The following MID1 variants were observed in gnomAD, a reference collection of about 807,000 sequenced individuals.
The protein encoded by MID1 is midline 1.
In MID1, 7 loss-of-function variants were observed where a neutral mutation model predicts 40.4. The ratio of observed to expected loss-of-function variants is 0.17; its 90% CI spans 0.10 to 0.33. The LOEUF (loss-of-function observed/expected upper bound fraction) is 0.33. MID1 is among the 10% of genes least tolerant of loss of function. The pLI, the probability that MID1 is intolerant of heterozygous loss-of-function variation, is 1.00. For missense variants in MID1, 367 were observed against 558.5 expected (o/e 0.66, Z 3.46); for synonymous variants, 229 against 221.2 (o/e 1.04, Z -0.31).
In MID1 at chrX:10,481,448, A is replaced by AT. The variant is rs763498464; in HGVS notation, c.1013+1031dup. Among the ~76,000 whole-genome samples the AT allele has an allele frequency of 3.1e-3, 346 of 111,017 alleles. 2 individuals are homozygous for AT. The highest frequency in any genetic ancestry group is 0.011 in the African/African-American group (324 of 30,593). Reference sequence around the variant, plus strand: ...CTTCTCTTTGTTTTTTCATTTATTTATTTTTTTTGGAGAAAGAGTCTCGCT... The same window carrying AT: ...CTTCTCTTTGTTTTTTCATTTATTTATTTTTTTTTGGAGAAAGAGTCTCGCT... On this transcript the variant is annotated intron_variant, in intron 5 of 9. Transcript: ENST00000317552.
At position 10,549,105 on chromosome X, in the gene MID1, A is replaced by C. The variant is rs5979320; in HGVS notation, c.660+17783T>G. On this transcript the variant is annotated intron_variant, in intron 2 of 9. Transcript: ENST00000317552. ...ATATTATTGTCTGGGTTATTACTTT[A>C]GTAAAACACATATACTGTGATTATT... is the stretch of plus-strand genomic sequence containing the variant. Among the ~76,000 whole-genome samples, 758 of 112,212 alleles carry C rather than the reference A, an allele frequency of 6.8e-3. 8 individuals are homozygous for C. The highest frequency in any genetic ancestry group is 0.023 in the African/African-American group (717 of 30,907).
intron 1 of MID1, among the ~76,000 whole-genome samples, chrX:10,807,233 A>C (rs1391152365): frequency 9.0e-6 from 1 of 110,630 alleles, no homozygotes; most frequent in Non-Finnish European, 1.9e-5. Context: ...TGACAGAGCA[A>C]GGCTCTGTTT....
At chrX:10,802,421 T>C (rs757663576) in intron 1 of MID1, among the ~76,000 whole-genome samples, 2 of 110,502 alleles carry the variant, frequency 1.8e-5, no homozygotes, top group East Asian at 5.7e-4. Context: ...CCAACAAACG[T>C]GAAAAAAATG....
chrX:10,691,854 T>C (rs1485811282), intron 1 of MID1, among the ~76,000 whole-genome samples: 1 of 111,612 alleles, frequency 9.0e-6, no homozygotes, highest in African/African-American at 3.3e-5. Flanking sequence ...CAGCAAGGAA[T>C]GTTAATAATT....
At chrX:10,823,336 A>ATG (rs1569179337) in intron 1 of MID1, among the ~76,000 whole-genome samples, 1,112 of 110,553 alleles carry the variant, frequency 0.01, 10 homozygotes, top group African/African-American at 0.034. Flanking sequence ...AGGTGGGGGG[A>ATG]TGGAGAGCAT....
At chrX:10,765,474 C>T (rs939208157) in intron 1 of MID1, among the ~76,000 whole-genome samples, 47 of 112,417 alleles carry the variant, frequency 4.2e-4, no homozygotes, top group Admixed American at 1.7e-3. Flanking sequence ...ATGTAGCATG[C>T]GATTGATCAA....
At chrX:10,462,234 A>ATGTT (rs1445623031) in intron 7 of MID1, among the ~76,000 whole-genome samples, 2 of 112,146 alleles carry the variant, frequency 1.8e-5, no homozygotes, top group Non-Finnish European at 3.8e-5. Flanking sequence ...GTTTACCTTT[A>ATGTT]TGTTATTATT....
At chrX:10,706,871 T>C (rs1459635530) in intron 1 of MID1, among the ~76,000 whole-genome samples, 1 of 111,954 alleles carries the variant, frequency 8.9e-6, no homozygotes, top group Non-Finnish European at 1.9e-5. Flanking sequence ...AAATATGTTT[T>C]ATAGTCAACT....
chrX:10,542,616 A>C lies in MID1; in HGVS notation c.661-19429T>G, dbSNP rs143144448. 5.1e-3 allele frequency among the ~76,000 whole-genome samples: 572 copies of C among 112,117 alleles called. 5 individuals carry two copies. Among genetic ancestry groups the C allele is most frequent in the African/African-American group, 0.018 (541 of 30,902 alleles). ...TAGAATGAAAAGCAAAATGTAAAAA[A>C]TGACCATAGATTTAATATACTAGCC... On this transcript the variant is annotated intron_variant, in intron 2 of 9. Coordinates refer to ENST00000317552, the MANE Select transcript of MID1 (RefSeq NM_000381.4).
At chrX:10,682,334 CTTTT>C (rs1319481996) in intron 1 of MID1, among the ~76,000 whole-genome samples, 2 of 105,822 alleles carry the variant, frequency 1.9e-5, no homozygotes, top group African/African-American at 7.5e-5. Context: ...CTTTTCCTTT[CTTTT>C]TATCTTTTTT....
intron 1 of MID1, among the ~76,000 whole-genome samples, chrX:10,661,828 A>G (rs2042915779): frequency 9.0e-6 from 1 of 111,716 alleles, no homozygotes; most frequent in Admixed American, 9.5e-5. Flanking sequence ...TCTCAAAGAA[A>G]ATCTCTTTAC....
intron 1 of MID1, among the ~76,000 whole-genome samples, chrX:10,811,006 C>G (rs1241934035): frequency 9.0e-6 from 1 of 111,003 alleles, no homozygotes; most frequent in Non-Finnish European, 1.9e-5. Context: ...GTAGAATGAG[C>G]TATCCTTCTG....
At chrX:10,653,525 T>C (rs1960465018) in intron 1 of MID1, among the ~76,000 whole-genome samples, 1 of 112,672 alleles carries the variant, frequency 8.9e-6, no homozygotes, top group Non-Finnish European at 1.9e-5. Context: ...AGAAAACATC[T>C]GCTCTTAATA....
chrX:10,809,118 G>C (rs1443830752), intron 1 of MID1, among the ~76,000 whole-genome samples: 1 of 111,734 alleles, frequency 8.9e-6, no homozygotes, highest in African/African-American at 3.3e-5. Flanking sequence ...GTGGGCGATG[G>C]ATATGAACAG....
Position 10,642,726 on chromosome X carries a change from A to G in MID1, c.-186-22307T>C, listed in dbSNP as rs868519313. On this transcript the variant is annotated intron_variant, in intron 1 of 10. Transcript: ENST00000380785. The stretch of plus-strand genomic sequence containing the variant: ...GCTAAGACAATCCTAAGCCAAAAGA[A>G]CAAAGCTGGAGGCATCACGCTACCT... Among the ~76,000 whole-genome samples, 5 of 110,560 alleles carry G rather than the reference A, an allele frequency of 4.5e-5. No individual in the cohort carries two copies. In the East Asian group the frequency reaches 1.4e-3, roughly 31 times the overall value.
At chrX:10,637,188 G>A (rs1936128452) in intron 1 of MID1, among the ~76,000 whole-genome samples, 1 of 110,692 alleles carries the variant, frequency 9.0e-6, no homozygotes, top group Non-Finnish European at 1.9e-5. Flanking sequence ...AGGTTAGAAT[G>A]TTTTGTTCAA....
chrX:10,613,392 T>C (rs1392799047), intron 1 of MID1, among the ~76,000 whole-genome samples: 1 of 109,539 alleles, frequency 9.1e-6, no homozygotes, highest in Non-Finnish European at 1.9e-5. Context: ...CTATGAAAAA[T>C]GTGGCCACCA....
intron 1 of MID1, among the ~76,000 whole-genome samples, chrX:10,609,715 CTTTTTTTTTTTT>C (rs138559299): frequency 1.2e-5 from 1 of 86,413 alleles, no homozygotes; most frequent in Non-Finnish European, 2.2e-5. Context: ...TTCTTTCTTT[CTTTTTTTTTTTT>C]TTTTTTTTGA....
Position 10,483,929 on chromosome X carries a change from G to A in MID1, c.865-1301C>T, listed in dbSNP as rs1473583965. Among the ~76,000 whole-genome samples the A allele has an allele frequency of 2.7e-5, 3 of 112,415 alleles. No homozygotes were observed. In the East Asian group the frequency reaches 8.4e-4, roughly 31 times the overall value. Reference sequence around the variant, plus strand: ...AAGGGTGAAAAAAATTCCTGAAAGAGTCAGAGAATGAAGTGTCAAAACTTT... The same window carrying A: ...AAGGGTGAAAAAAATTCCTGAAAGAATCAGAGAATGAAGTGTCAAAACTTT... On this transcript the variant is annotated intron_variant, in intron 4 of 9. Transcript: ENST00000317552.
Sources: allele counts gnomAD v4.1 joint callset (sites outside exome capture counted in the v4.1 genomes callset), GRCh38; gene constraint gnomAD v4.1.1; transcripts MANE v1.5; gene names NCBI Gene and HGNC (gene_info 2026-07-23, HGNC 2026-07-21).